MEMO1: variants seen among roughly 807,000 people sequenced by gnomAD.
MEMO1 encodes the protein mediator of cell motility 1, also known as protein MEMO1.
Under a neutral mutation model 45.2 loss-of-function variants are expected in MEMO1, and 6 were observed. That is an observed-to-expected ratio of 0.13 (90% CI 0.07 to 0.26). The LOEUF (loss-of-function observed/expected upper bound fraction) is 0.26. Ranked by LOEUF, MEMO1 falls within the 10% of genes least tolerant of loss-of-function variation. The probability of loss-of-function intolerance (pLI) is 1.00; values close to 1 mark genes in which losing one functional copy is unlikely to be tolerated. For synonymous variants in MEMO1, 78 were observed against 124.3 expected, an observed-to-expected ratio of 0.63 and a Z score of 2.48; for missense variants, 184 against 370.5, an observed-to-expected ratio of 0.50 and a Z score of 4.13.
intron 2 of MEMO1, among the ~76,000 whole-genome samples, chr2:31,961,100 T>C (rs1667956604): frequency 6.6e-6 from 1 of 152,044 alleles, no homozygotes; most frequent in South Asian, 2.1e-4. Flanking sequence ...CTCACGCCTG[T>C]AAATCCCAGC....
At chr2:31,946,606 A>T (rs745941195) in intron 2 of MEMO1, among the ~76,000 whole-genome samples, 50 of 152,174 alleles carry the variant, frequency 3.3e-4, no homozygotes, top group African/African-American at 6.5e-4. Context: ...TCATGCCTGT[A>T]ATCCCAGCAC....
intron 2 of MEMO1, among the ~76,000 whole-genome samples, chr2:32,004,784 G>A (rs1381638347): frequency 6.6e-6 from 1 of 152,068 alleles, no homozygotes; most frequent in African/African-American, 2.4e-5. Flanking sequence ...AAAATTATCC[G>A]GGTGTGGTGG....
chr2:31,954,863 G>A (rs1404745737), intron 2 of MEMO1, among the ~76,000 whole-genome samples: 1 of 151,638 alleles, frequency 6.6e-6, no homozygotes, highest in Non-Finnish European at 1.5e-5. Flanking sequence ...AGATCCCTAG[G>A]TTTTATCCCA....
chr2:31,973,908 T>A, intron 2 of MEMO1, among the ~76,000 whole-genome samples: 1 of 152,208 alleles, frequency 6.6e-6, no homozygotes, highest in East Asian at 1.9e-4. Flanking sequence ...CACAACATTG[T>A]GAATGTATTA....
chr2:31,977,955 C>T (rs1027585332), intron 2 of MEMO1, among the ~76,000 whole-genome samples: 2 of 152,034 alleles, frequency 1.3e-5, no homozygotes, highest in Non-Finnish European at 2.9e-5. Context: ...TTTATTAAAA[C>T]TTATGCTTTA....
chr2:31,900,385 A>G (rs1240876802), intron 6 of MEMO1, among the ~76,000 whole-genome samples: 2 of 152,216 alleles, frequency 1.3e-5, no homozygotes, highest in East Asian at 1.9e-4. Flanking sequence ...TTGCAGGGAC[A>G]TGGATGAAGC....
At position 31,934,470 on chromosome 2, in the gene MEMO1, A is replaced by T. The variant is rs7574450; in HGVS notation, c.144-2335T>A. Among the ~76,000 whole-genome samples the T allele has an allele frequency of 3.9e-3, 527 of 134,554 alleles. 1 individual carries two copies. Among genetic ancestry groups the T allele is most frequent in the Non-Finnish European group, 6.3e-3 (400 of 63,038 alleles). The allele number at this position is 134,554 out of a possible 152,430, so 88.3% of individuals were successfully genotyped here. A position where few individuals can be genotyped will look rare whatever the true frequency, so the allele number is the denominator to read the frequency against. ...CTGAGCGAGACTTTATTTCAAAATTAAAAAAAAAAAAAACAAGAAAAGAAA... is the reference window on the plus strand; with the variant it reads ...CTGAGCGAGACTTTATTTCAAAATTTAAAAAAAAAAAAACAAGAAAAGAAA... On this transcript the variant is annotated intron_variant, in intron 3 of 9. Coordinates refer to ENST00000404530, the MANE Select transcript of MEMO1 (RefSeq NM_001301833.4).
At chr2:32,001,282 G>A (rs970541798) in intron 2 of MEMO1, among the ~76,000 whole-genome samples, 12 of 151,570 alleles carry the variant, frequency 7.9e-5, no homozygotes, top group Admixed American at 6.6e-4. Flanking sequence ...CTCGTGATCC[G>A]CCCGCCTCGG....
At chr2:32,003,575 C>A (rs1324311923) in intron 2 of MEMO1, among the ~76,000 whole-genome samples, 1 of 152,142 alleles carries the variant, frequency 6.6e-6, no homozygotes, top group East Asian at 1.9e-4. Flanking sequence ...TGCTACTTCA[C>A]AAACACAGCA....
At chr2:31,962,299 G>T (rs981025913) in intron 2 of MEMO1, among the ~76,000 whole-genome samples, 1 of 152,106 alleles carries the variant, frequency 6.6e-6, no homozygotes, top group African/African-American at 2.4e-5. Flanking sequence ...TGAGGTAGGA[G>T]AATCACCTGA....
intron 2 of MEMO1, among the ~76,000 whole-genome samples, chr2:32,005,402 C>CTA (rs76798903): frequency 0.55 from 83,072 of 150,464 alleles, 23,135 homozygotes; most frequent in East Asian, 0.65. Flanking sequence ...CAAAATTTTT[C>CTA]TGTTCTTAAA....
At chr2:31,971,346 C>G (rs542498971) in intron 2 of MEMO1, among the ~76,000 whole-genome samples, 1 of 152,150 alleles carries the variant, frequency 6.6e-6, no homozygotes, top group South Asian at 2.1e-4. Context: ...CTCCTGGGCT[C>G]AAGTGATCCT....
chr2:31,885,132 T>C (rs1439954551), intron 7 of MEMO1, among the ~76,000 whole-genome samples: 1 of 152,320 alleles, frequency 6.6e-6, no homozygotes, highest in Non-Finnish European at 1.5e-5. Flanking sequence ...TTTTTTTCTT[T>C]TTTTTAAGAT....
At chr2:31,898,353 A>G (rs564019384) in intron 6 of MEMO1, among the ~76,000 whole-genome samples, 2 of 152,260 alleles carry the variant, frequency 1.3e-5, no homozygotes, top group Non-Finnish European at 2.9e-5. Context: ...GTGGGCATTT[A>G]GTGCTATAAA....
chr2:31,970,340 T>C (rs1248354937), intron 2 of MEMO1, among the ~76,000 whole-genome samples: 1 of 152,188 alleles, frequency 6.6e-6, no homozygotes, highest in Admixed American at 6.5e-5. Context: ...ACGACAATTT[T>C]ACGTTTGCTA....
At chr2:31,953,119 A>G (rs1450558022) in intron 2 of MEMO1, among the ~76,000 whole-genome samples, 1 of 152,174 alleles carries the variant, frequency 6.6e-6, no homozygotes, top group African/African-American at 2.4e-5. Flanking sequence ...CTGTAATCCC[A>G]GCACTTTGGG....
At chr2:31,915,166 C>T (rs1681243521) in intron 6 of MEMO1, among the ~76,000 whole-genome samples, 1 of 152,020 alleles carries the variant, frequency 6.6e-6, no homozygotes, top group South Asian at 2.1e-4. Flanking sequence ...AGAGAAACCA[C>T]ACTCAAGGAG....
At chr2:31,939,088 T>C (rs1407506203) in intron 3 of MEMO1, among the ~76,000 whole-genome samples, 1 of 138,180 alleles carries the variant, frequency 7.2e-6, no homozygotes, top group Non-Finnish European at 1.5e-5. Flanking sequence ...CCAGTAACAA[T>C]GAAAGATTTG....
intron 4 of MEMO1, among the ~76,000 whole-genome samples, chr2:31,924,619 T>TG: frequency 6.6e-6 from 1 of 152,216 alleles, no homozygotes. Flanking sequence ...CCCTCATGAC[T>TG]GTTTATTCAG....
Sources: gnomAD v4.1 joint callset for allele counts (sites outside exome capture counted in the v4.1 genomes callset) on GRCh38, gnomAD v4.1.1 for gene constraint, MANE v1.5 for transcripts, NCBI Gene and HGNC (gene_info 2026-07-23, HGNC 2026-07-21) for gene names.